TUBB6: variants seen among roughly 807,000 people sequenced by gnomAD.
TUBB6 encodes the protein tubulin beta 6 class V, also known as tubulin beta-6 chain.
TUBB6 carries 18 observed loss-of-function variants against 32.3 expected under a neutral mutation model. The ratio of observed to expected loss-of-function variants is 0.56; its 90% CI spans 0.39 to 0.83. TUBB6 has a LOEUF of 0.83. TUBB6 is among the 40% of genes least tolerant of loss of function. The pLI, the probability that TUBB6 is intolerant of heterozygous loss-of-function variation, is 0.00. For missense variants in TUBB6, 480 were observed against 632.0 expected, an observed-to-expected ratio of 0.76 and a Z score of 2.58; for synonymous variants, 280 against 265.8, an observed-to-expected ratio of 1.05 and a Z score of -0.52.
chr18:12,320,701 C>T (rs1421872481), intron 3 of TUBB6: 1 of 152,236 alleles, frequency 6.6e-6, no homozygotes, highest in Non-Finnish European at 1.5e-5. Context: ...ATAGTATCCT[C>T]TGCAGAGATA....
At chr18:12,329,114 G>T (rs1045301825), downstream of TUBB6, 4 of 702,704 alleles carry the variant, frequency 5.7e-6, no homozygotes, top group East Asian at 5.4e-5. Context: ...AAATTAAAAT[G>T]TTCTTATCAA....
intron 3 of TUBB6, among the ~76,000 whole-genome samples, chr18:12,321,209 T>A (rs1384164322): frequency 6.6e-6 from 1 of 152,232 alleles, no homozygotes; most frequent in Non-Finnish European, 1.5e-5. Flanking sequence ...CCTTTATATG[T>A]GATATGAGTT....
intron 3 of TUBB6, chr18:12,320,551 C>T (rs953966985): frequency 6.6e-6 from 1 of 152,142 alleles, no homozygotes; most frequent in Non-Finnish European, 1.5e-5. Context: ...TTCAGGCAGA[C>T]GCATATATTT....
chr18:12,322,441 A>G (rs1434858881), intron 3 of TUBB6, among the ~76,000 whole-genome samples: 1 of 151,066 alleles, frequency 6.6e-6, no homozygotes, highest in Non-Finnish European at 1.5e-5. Flanking sequence ...TGCAACCTCC[A>G]TCTTCTACGC....
chr18:12,308,830 G>C, intron 2 of TUBB6, 35 bp downstream of exon 2: 13 of 1,352,784 alleles, frequency 9.6e-6, no homozygotes, highest in Non-Finnish European at 1.3e-5. Context: ...TGCCCGGCCG[G>C]GACCCGCGTG....
Position 12,325,998 on chromosome 18 carries a change from G to A in TUBB6, c.1209G>A (p.Met403Ile). The A allele has an allele frequency of 1.9e-6, 3 of 1,614,156 alleles. No homozygotes were observed. Among genetic ancestry groups the A allele is most frequent in the Non-Finnish European group, 2.5e-6 (3 of 1,180,046 alleles). ...TGCACTGGTTCACGGGTGAGGGCAT[G>A]GATGAAATGGAGTTCACCGAGGCGG... is the stretch of plus-strand genomic sequence containing the variant. ...AFLHWFTGEG[M>I]DEMEFTEAES... The change falls in exon 4 of 4, where the codon ATG (methionine) becomes ATA (isoleucine). Residue 403 changes from methionine (M) to isoleucine (I), a missense_variant. By Grantham distance (10) the Met-to-Ile change is conservative. Transcript: ENST00000317702.
At chr18:12,313,964 A>G (rs1035492206) in intron 3 of TUBB6, among the ~76,000 whole-genome samples, 4 of 152,214 alleles carry the variant, frequency 2.6e-5, no homozygotes, top group African/African-American at 9.7e-5. Flanking sequence ...CCTGACTTGG[A>G]TAACATTAAT....
chr18:12,329,503 G>C, downstream of TUBB6: 1 of 1,525,080 alleles, frequency 6.6e-7, no homozygotes, highest in Non-Finnish European at 9.1e-7. Flanking sequence ...GAAAGCCACA[G>C]CTGAAATAAT....
At chr18:12,310,009 A>G (rs189384170) in intron 2 of TUBB6, among the ~76,000 whole-genome samples, 1 of 152,294 alleles carries the variant, frequency 6.6e-6, no homozygotes, top group East Asian at 1.9e-4. Flanking sequence ...CCATGGAGCT[A>G]AAGTTGTAAA....
In TUBB6 at chr18:12,325,741, C is replaced by T. The variant is rs1453031162; in HGVS notation, c.952C>T (p.Arg318Cys). Residue 318 changes from arginine to cysteine, a missense_variant, in exon 4 of 4, where the codon CGC becomes TGC. Physicochemically the swap from Arg to Cys is radical, Grantham distance 180. Transcript: ENST00000317702. ...GRYLTVATVF[R>C]GPMSMKEVDE... is the part of the protein sequence containing the mutation. ...CTACCTGACCGTGGCCACCGTGTTC[C>T]GCGGGCCCATGTCCATGAAGGAGGT... is the stretch of plus-strand genomic sequence containing the variant. 6 of 1,614,210 alleles carry T rather than the reference C, an allele frequency of 3.7e-6. No individual in the cohort carries two copies. Among genetic ancestry groups the T allele is most frequent in the South Asian group, 2.2e-5 (2 of 91,084 alleles).
At chr18:12,310,103 T>C (rs1458902282) in intron 2 of TUBB6, among the ~76,000 whole-genome samples, 2 of 152,192 alleles carry the variant, frequency 1.3e-5, no homozygotes, top group Non-Finnish European at 2.9e-5. Flanking sequence ...TCATCCTGCC[T>C]CTTCCTGGAA....
chr18:12,309,753 A>G (rs910365190), intron 2 of TUBB6, among the ~76,000 whole-genome samples: 7 of 152,152 alleles, frequency 4.6e-5, no homozygotes, highest in Admixed American at 4.6e-4. Flanking sequence ...AGCAGGTCCT[A>G]TCTGGAATCA....
At chr18:12,327,202 G>A (rs1907367981), downstream of TUBB6, among the ~76,000 whole-genome samples, 1 of 152,196 alleles carries the variant, frequency 6.6e-6, no homozygotes, top group African/African-American at 2.4e-5. Context: ...TCATGTGCCA[G>A]TGCCAGCCCT....
At chr18:12,328,012 G>A (rs1016198792), downstream of TUBB6, among the ~76,000 whole-genome samples, 3 of 152,198 alleles carry the variant, frequency 2.0e-5, no homozygotes, top group Admixed American at 1.3e-4. Flanking sequence ...ATGCTTCATT[G>A]GGCACCTCCC....
intron 3 of TUBB6, among the ~76,000 whole-genome samples, chr18:12,318,733 G>C (rs1321280875): frequency 6.9e-6 from 1 of 145,620 alleles, no homozygotes; most frequent in Non-Finnish European, 1.5e-5. Flanking sequence ...GGAAACTTCA[G>C]TGTTCAATAT....
Position 12,325,446 on chromosome 18 carries a change from G to A in TUBB6, c.657G>A (p.Thr219=), listed in dbSNP as rs1907241951. The part of the protein sequence containing the change: ...DICFRTLKLT[T]PTYGDLNHLV... ...GCTTCCGCACTCTGAAGCTGACAACGCCCACCTACGGGGACCTCAACCACC... is the reference window on the plus strand; with the variant it reads ...GCTTCCGCACTCTGAAGCTGACAACACCCACCTACGGGGACCTCAACCACC... Residue 219 remains threonine (T), a synonymous_variant, in exon 4 of 4, where the codon ACG becomes ACA. Transcript: ENST00000317702. The A allele has an allele frequency of 1.2e-6, 2 of 1,614,194 alleles. No individual in the cohort carries two copies. Among genetic ancestry groups the A allele is most frequent in the African/African-American group, 1.3e-5 (1 of 75,044 alleles).
At chr18:12,319,134 C>CTT (rs869296345) in intron 3 of TUBB6, among the ~76,000 whole-genome samples, 2 of 9,464 alleles carry the variant, frequency 2.1e-4, no homozygotes, top group Non-Finnish European at 9.7e-4. Context: ...TTCCTTTTTC[C>CTT]TTTTTTTTTT....
chr18:12,316,752 A>G (rs950747927), intron 3 of TUBB6, among the ~76,000 whole-genome samples: 2 of 152,242 alleles, frequency 1.3e-5, no homozygotes, highest in Non-Finnish European at 2.9e-5. Context: ...GAGATGATCC[A>G]TCCTCACTGG....
chr18:12,315,174 T>G (rs1906606230), intron 3 of TUBB6, among the ~76,000 whole-genome samples: 1 of 152,248 alleles, frequency 6.6e-6, no homozygotes, highest in African/African-American at 2.4e-5. Flanking sequence ...TAAACCATAT[T>G]TCACATTTAG....
Sources: allele counts gnomAD v4.1 joint callset (sites outside exome capture counted in the v4.1 genomes callset), GRCh38; gene constraint gnomAD v4.1.1; transcripts MANE v1.5; gene names NCBI Gene and HGNC (gene_info 2026-07-23, HGNC 2026-07-21).